Variants in OPCML observed in about 807,000 individuals in gnomAD.
The protein encoded by OPCML is opioid binding protein/cell adhesion molecule like, also known as opioid-binding protein/cell adhesion molecule.
OPCML carries 13 observed loss-of-function variants against 37.8 expected under a neutral mutation model. The observed-to-expected ratio is 0.34, with a 90% CI of 0.22 to 0.55. OPCML has a LOEUF of 0.55. OPCML is among the 20% of genes least tolerant of loss of function. OPCML has a pLI of 0.91. For synonymous variants in OPCML, 176 were observed against 168.8 expected (o/e 1.04, Z -0.33); for missense variants, 341 against 435.6 (o/e 0.78, Z 1.93).
At chr11:133,271,274 C>A (rs1792769688) in intron 1 of OPCML, among the ~76,000 whole-genome samples, 1 of 152,156 alleles carries the variant, frequency 6.6e-6, no homozygotes, top group South Asian at 2.1e-4. Context: ...GAGTAAACAT[C>A]CACAAAATAA....
At chr11:132,592,390 C>A (rs747618925) in intron 3 of OPCML, among the ~76,000 whole-genome samples, 1 of 152,084 alleles carries the variant, frequency 6.6e-6, no homozygotes, top group African/African-American at 2.4e-5. Context: ...GGGTACCTGG[C>A]TGGTATCTGG....
intron 1 of OPCML, among the ~76,000 whole-genome samples, chr11:133,273,995 T>C (rs1455587947): frequency 6.6e-6 from 1 of 152,224 alleles, no homozygotes; most frequent in Non-Finnish European, 1.5e-5. Flanking sequence ...ACATGTAATA[T>C]ACAAATATAT....
At chr11:133,415,408 T>TAA (rs530082319) in intron 1 of OPCML, among the ~76,000 whole-genome samples, 24 of 139,574 alleles carry the variant, frequency 1.7e-4, no homozygotes, top group African/African-American at 5.7e-4. Context: ...AGACTTCGTC[T>TAA]AAAAAAAAAA....
intron 1 of OPCML, among the ~76,000 whole-genome samples, chr11:133,446,759 T>A (rs1201652379): frequency 1.3e-5 from 2 of 152,354 alleles, no homozygotes; most frequent in Non-Finnish European, 1.5e-5. Flanking sequence ...TAGATTTGCC[T>A]TTTCTGGACA....
At chr11:132,527,816 G>T (rs1036839831) in intron 4 of OPCML, among the ~76,000 whole-genome samples, 5 of 152,094 alleles carry the variant, frequency 3.3e-5, no homozygotes, top group Admixed American at 3.3e-4. Flanking sequence ...TTAAAACGAA[G>T]TTACTCGTGT....
At chr11:132,851,280 C>T (rs1591702075) in intron 2 of OPCML, among the ~76,000 whole-genome samples, 1 of 152,282 alleles carries the variant, frequency 6.6e-6, no homozygotes, top group African/African-American at 2.4e-5. Flanking sequence ...AATCATGAAG[C>T]ACATGCTATA....
At chr11:132,462,852 A>C (rs1257729194) in intron 4 of OPCML, among the ~76,000 whole-genome samples, 2 of 152,146 alleles carry the variant, frequency 1.3e-5, no homozygotes, top group Non-Finnish European at 2.9e-5. Context: ...TTGTATCTGG[A>C]AATTGCCCCT....
At chr11:132,584,983 T>C (rs2096469457) in intron 3 of OPCML, among the ~76,000 whole-genome samples, 1 of 152,224 alleles carries the variant, frequency 6.6e-6, no homozygotes, top group Admixed American at 6.5e-5. Flanking sequence ...CCAGCCTTCA[T>C]AGGCTGTGAT....
chr11:132,914,368 T>C (rs1944537885), intron 2 of OPCML, among the ~76,000 whole-genome samples: 1 of 152,230 alleles, frequency 6.6e-6, no homozygotes, highest in Non-Finnish European at 1.5e-5. Context: ...TTACACGACC[T>C]GGTAATATGG....
At chr11:133,413,033 C>A (rs1280192311) in intron 1 of OPCML, among the ~76,000 whole-genome samples, 1 of 152,094 alleles carries the variant, frequency 6.6e-6, no homozygotes, top group African/African-American at 2.4e-5. Context: ...TTGATGAGTG[C>A]AGCTGACCCA....
chr11:133,010,902 C>T (rs180716985), intron 1 of OPCML, among the ~76,000 whole-genome samples: 1 of 152,260 alleles, frequency 6.6e-6, no homozygotes, highest in African/African-American at 2.4e-5. Context: ...TAACAATCAA[C>T]AGGGAATTTA....
At chr11:132,963,856 CG>C (rs1234339482) in intron 1 of OPCML, among the ~76,000 whole-genome samples, 1 of 152,092 alleles carries the variant, frequency 6.6e-6, no homozygotes, top group Non-Finnish European at 1.5e-5. Flanking sequence ...CCTAGCTGCA[CG>C]TTAGGGTCGG....
intron 1 of OPCML, among the ~76,000 whole-genome samples, chr11:133,439,810 C>G (rs1946326209): frequency 6.6e-6 from 1 of 152,054 alleles, no homozygotes; most frequent in Non-Finnish European, 1.5e-5. Context: ...GAGCACTTTT[C>G]TTTCTCTAAG....
At chr11:133,228,175 C>A (rs897736449) in intron 1 of OPCML, among the ~76,000 whole-genome samples, 1 of 152,156 alleles carries the variant, frequency 6.6e-6, no homozygotes, top group Admixed American at 6.5e-5. Context: ...ACCGTGGCTG[C>A]TGCCGTGACA....
intron 5 of OPCML, 147 bp downstream of exon 5, chr11:132,437,075 G>T: frequency 7.3e-7 from 1 of 1,363,510 alleles, no homozygotes; most frequent in Non-Finnish European, 1.0e-6. Context: ...TGGCACGGAG[G>T]CCATGGTGGG....
chr11:132,762,272 G>T (rs1167578188), intron 2 of OPCML, among the ~76,000 whole-genome samples: 1 of 152,164 alleles, frequency 6.6e-6, no homozygotes, highest in African/African-American at 2.4e-5. Context: ...TTGTCTCCCA[G>T]ACAGGAGGCA....
At chr11:132,538,530 C>A (rs1340995621) in intron 3 of OPCML, among the ~76,000 whole-genome samples, 2 of 152,136 alleles carry the variant, frequency 1.3e-5, no homozygotes, top group African/African-American at 4.8e-5. Flanking sequence ...CTGAACTGTT[C>A]TCTTAATAAA....
chr11:132,749,888 ATTTATT>A (rs1945772679), intron 2 of OPCML, among the ~76,000 whole-genome samples: 1 of 151,982 alleles, frequency 6.6e-6, no homozygotes, highest in African/African-American at 2.4e-5. Context: ...GTATTTATTT[ATTTATT>A]TTTATGTGGA....
At chr11:132,748,647 G>C (rs540487053) in intron 2 of OPCML, among the ~76,000 whole-genome samples, 1 of 152,162 alleles carries the variant, frequency 6.6e-6, no homozygotes, top group Non-Finnish European at 1.5e-5. Flanking sequence ...GGGCCTGCAG[G>C]GGGGCAGCCT....
Sources: gnomAD v4.1 joint callset for allele counts (sites outside exome capture counted in the v4.1 genomes callset) on GRCh38, gnomAD v4.1.1 for gene constraint, MANE v1.5 for transcripts, NCBI Gene and HGNC (gene_info 2026-07-23, HGNC 2026-07-21) for gene names.